Variants in C18orf63 observed in about 807,000 individuals in gnomAD.
C18orf63 encodes the protein uncharacterized protein C18orf63.
C18orf63 carries 50 observed loss-of-function variants against 75.3 expected under a neutral mutation model. The ratio of observed to expected loss-of-function variants is 0.66; its 90% CI spans 0.53 to 0.84. C18orf63 has a LOEUF of 0.84. Ranked by LOEUF, C18orf63 falls within the 40% of genes least tolerant of loss-of-function variation. C18orf63 has a pLI of 0.00. For synonymous variants in C18orf63, 232 were observed against 267.6 expected (o/e 0.87, Z 1.30); for missense variants, 732 against 800.2 (o/e 0.91, Z 1.03).
At chr18:74,345,789 T>C (rs748318315) in intron 11 of C18orf63, among the ~76,000 whole-genome samples, 37 of 152,190 alleles carry the variant, frequency 2.4e-4, no homozygotes, top group Non-Finnish European at 4.0e-4. Context: ...ACCATGCTTT[T>C]AGAATTATCT....
chr18:74,338,572 T>C (rs987789572), intron 7 of C18orf63, 143 bp from the exon 8 acceptor site: 7 of 396,724 alleles, frequency 1.8e-5, no homozygotes, highest in Middle Eastern at 1.3e-3. Context: ...TTATGTAAAG[T>C]GGTTATGCAT....
In C18orf63 at chr18:74,353,917, G is replaced by A. The variant is rs1303051038; in HGVS notation, c.1650G>A (p.Val550=). The change falls in exon 12 of 14, where the codon GTG becomes GTA. Residue 550 remains valine (V), a synonymous_variant. Coordinates refer to ENST00000579455, the MANE Select transcript of C18orf63 (RefSeq NM_001174123.2). Reference sequence around the variant, plus strand: ...TATCTAATAGTGCAGTATTTGTGGTGTCAAATAACAATTTAGGGGTGGTAA... The same window carrying A: ...TATCTAATAGTGCAGTATTTGTGGTATCAAATAACAATTTAGGGGTGGTAA... ...KQLSNSAVFV[V]SNNNLGVVKS... is the part of the protein sequence containing the mutation. The A allele has an allele frequency of 2.0e-6, 3 of 1,535,760 alleles. No homozygotes were observed. In the Admixed American group the frequency reaches 5.9e-5, roughly 30 times the overall value.
At chr18:74,347,589 G>T (rs923974842) in intron 11 of C18orf63, among the ~76,000 whole-genome samples, 1 of 152,164 alleles carries the variant, frequency 6.6e-6, no homozygotes, top group African/African-American at 2.4e-5. Context: ...CTTCAGAGGG[G>T]TTTTTAGGAC....
chr18:74,318,035 A>C (rs1270286164), intron 2 of C18orf63, 36 bp downstream of exon 2: 1 of 1,358,868 alleles, frequency 7.4e-7, no homozygotes, highest in African/African-American at 1.5e-5. Flanking sequence ...GACTTTTAAA[A>C]CTTTGAGACC....
rs117169991 is a variant in C18orf63 at position 74,331,727 on chromosome 18, C to A, written c.501+785C>A. On this transcript the variant is annotated intron_variant, in intron 7 of 13. Transcript: ENST00000579455. ...TCAATAGTGTGGAGGTTGAGAAACCCCAGGCATAGAACAAATGATGCTTTC... is the reference window on the plus strand; with the variant it reads ...TCAATAGTGTGGAGGTTGAGAAACCACAGGCATAGAACAAATGATGCTTTC... Among the ~76,000 whole-genome samples, 762 of 152,226 alleles carry A rather than the reference C, an allele frequency of 5.0e-3. 5 individuals carry two copies. Among genetic ancestry groups the A allele is most frequent in the Middle Eastern group, 0.01 (3 of 294 alleles).
At chr18:74,344,807 T>C (rs1984546368) in intron 11 of C18orf63, among the ~76,000 whole-genome samples, 2 of 152,144 alleles carry the variant, frequency 1.3e-5, no homozygotes, top group Admixed American at 1.3e-4. Context: ...ATGCTGCAAT[T>C]TATTCAGAAT....
Position 74,353,553 on chromosome 18 carries a change from G to T in C18orf63, c.1286G>T (p.Ser429Ile), listed in dbSNP as rs1193954420. 1 of 1,536,506 alleles carries T rather than the reference G, an allele frequency of 6.5e-7. No homozygotes were observed. Among genetic ancestry groups the T allele is most frequent in the African/African-American group, 1.4e-5 (1 of 73,144 alleles). The change falls in exon 12 of 14, where the codon AGC becomes ATC. Residue 429 changes from serine to isoleucine, a missense_variant. By Grantham distance (142) the Ser-to-Ile change is moderately radical (BLOSUM62 -2). This residue lies in a region of C18orf63 where 495 missense variants were observed against 508.7 expected (regional missense o/e 0.97). Transcript: ENST00000579455. The stretch of plus-strand genomic sequence containing the variant: ...CAGCACACAAATCTTAGCTCCCAAA[G>T]CAACATCACCCCTAAGTTTGTACCA... ...QVQHTNLSSQ[S>I]NITPKFVPVF...
chr18:74,317,051 G>A (rs1465852976), intron 1 of C18orf63, among the ~76,000 whole-genome samples: 2 of 152,172 alleles, frequency 1.3e-5, no homozygotes, highest in East Asian at 1.9e-4. Context: ...ACTCATTTCA[G>A]TACTGTGATC....
intron 7 of C18orf63, among the ~76,000 whole-genome samples, chr18:74,333,884 T>C (rs1984349767): frequency 1.3e-5 from 2 of 152,206 alleles, no homozygotes; most frequent in African/African-American, 4.8e-5. Context: ...ACACTCAACA[T>C]GTACTTGTTA....
At position 74,354,692 on chromosome 18, in the gene C18orf63, G is replaced by T. The variant is rs1984734127; in HGVS notation, c.*33+146G>T. The T allele has an allele frequency of 7.0e-6, 4 of 572,082 alleles. No homozygotes were observed. The South Asian group carries it at 9.1e-5, about 13-fold the overall frequency. 35.4% of individuals were successfully genotyped at this position (572,082 alleles called of 1,614,324 possible). A position where few individuals can be genotyped will look rare whatever the true frequency, so the allele number is the denominator to read the frequency against. On this transcript the variant is annotated intron_variant, in intron 13 of 13. Coordinates refer to ENST00000579455, the MANE Select transcript of C18orf63 (RefSeq NM_001174123.2). ...TCAGCAAAGAAATAGGACATGGTGGGAACAGTTCACTCCTTGAATAAGGAC... is the reference window on the plus strand; with the variant it reads ...TCAGCAAAGAAATAGGACATGGTGGTAACAGTTCACTCCTTGAATAAGGAC...
At chr18:74,322,608 CTG>C in intron 3 of C18orf63, 88 bp from the exon 4 acceptor site, 1 of 394,240 alleles carries the variant, frequency 2.5e-6, no homozygotes, top group Non-Finnish European at 4.4e-6. Context: ...TCTTTGCCCT[CTG>C]TAGAATAATG....
intron 6 of C18orf63, 50 bp downstream of exon 6, chr18:74,329,086 G>A (rs1480699330): frequency 2.5e-6 from 3 of 1,208,574 alleles, no homozygotes; most frequent in Non-Finnish European, 3.5e-6. Flanking sequence ...ATTCATAGTT[G>A]CTAAAGAAAA....
intron 2 of C18orf63, among the ~76,000 whole-genome samples, chr18:74,320,019 C>A (rs932236449): frequency 6.6e-6 from 1 of 152,166 alleles, no homozygotes; most frequent in African/African-American, 2.4e-5. Flanking sequence ...GGGAGAGAGT[C>A]TCTAACACAA....
intron 7 of C18orf63, among the ~76,000 whole-genome samples, chr18:74,335,440 A>G (rs935650381): frequency 2.6e-5 from 4 of 152,108 alleles, no homozygotes; most frequent in African/African-American, 4.8e-5. Flanking sequence ...TGAAACAGTA[A>G]TTTACTCATT....
chr18:74,318,366 TG>T (rs949786105), intron 2 of C18orf63, among the ~76,000 whole-genome samples: 1 of 152,158 alleles, frequency 6.6e-6, no homozygotes, highest in Non-Finnish European at 1.5e-5. Flanking sequence ...TTCCAGTAGG[TG>T]GGGCACTTAG....
chr18:74,330,967 CT>C, intron 7 of C18orf63, 25 bp downstream of exon 7: 1 of 1,029,216 alleles, frequency 9.7e-7, no homozygotes. Context: ...GATTTCTATA[CT>C]TTATTATATT....
At chr18:74,341,270 C>CAAAAAAAAAA (rs58362707) in intron 8 of C18orf63, among the ~76,000 whole-genome samples, 5 of 58,986 alleles carry the variant, frequency 8.5e-5, no homozygotes, top group African/African-American at 1.5e-4. Flanking sequence ...GACTCCGTCT[C>CAAAAAAAAAA]AAAAAAAAAA....
intron 10 of C18orf63, 96 bp downstream of exon 10, chr18:74,342,422 T>C (rs954717370): frequency 8.3e-6 from 6 of 718,948 alleles, no homozygotes; most frequent in Non-Finnish European, 1.2e-5. Flanking sequence ...ACCTTCTTTC[T>C]CTGTGTCTAA....
Position 74,358,078 on chromosome 18 carries a change from G to A in C18orf63, c.*1631G>A, listed in dbSNP as rs188766892. ...GCTACTGCCCAGTCACTATGCCTCA[G>A]GTAATGGACACTTACTTTATTATTA... On this transcript the variant is annotated 3_prime_UTR_variant, in exon 14 of 14. Transcript: ENST00000579455. 11 of 152,208 alleles carry A rather than the reference G, an allele frequency of 7.2e-5. No individual in the cohort carries two copies. In the East Asian group the frequency reaches 2.1e-3, roughly 29 times the overall value. 9.4% of individuals were successfully genotyped at this position (152,208 alleles called of 1,614,324 possible). A position where few individuals can be genotyped will look rare whatever the true frequency, so the allele number is the denominator to read the frequency against.
Sources: allele counts gnomAD v4.1 joint callset (sites outside exome capture counted in the v4.1 genomes callset), GRCh38; gene constraint gnomAD v4.1.1; regional missense constraint gnomAD v4.1.1; transcripts MANE v1.5; gene names NCBI Gene and HGNC (gene_info 2026-07-23, HGNC 2026-07-21).